DGKB: variants seen among roughly 807,000 people sequenced by gnomAD.
The protein encoded by DGKB is diacylglycerol kinase beta.
DGKB carries 67 observed loss-of-function variants against 114.3 expected under a neutral mutation model. The observed-to-expected ratio is 0.59, with a 90% CI of 0.48 to 0.72. The LOEUF (loss-of-function observed/expected upper bound fraction) is 0.72. Among genes scored for constraint, DGKB ranks in the 30% least tolerant of loss-of-function variants. DGKB has a pLI of 0.00. For missense variants in DGKB, 907 were observed against 975.2 expected, an observed-to-expected ratio of 0.93 and a Z score of 0.93; for synonymous variants, 398 against 323.1, an observed-to-expected ratio of 1.23 and a Z score of -2.49.
chr7:14,330,912 A>T (rs967994510), intron 23 of DGKB, among the ~76,000 whole-genome samples: 11 of 151,918 alleles, frequency 7.2e-5, no homozygotes, highest in African/African-American at 2.7e-4. Context: ...TATATTGAAA[A>T]TTTTTTTATT....
Position 14,956,854 on chromosome 7 carries a change from AT to A in DGKB, c.-188+17841del, listed in dbSNP as rs556119417. On this transcript the variant is annotated intron_variant, in intron 1 of 4. Transcript: ENST00000437998. ...TCTACTAGAGGGAAAAGTCGTTTCA[AT>A]TTTTTTTTTTAAGGCAAATGAGCAG... Among the ~76,000 whole-genome samples the A allele has an allele frequency of 1.7e-3, 252 of 148,410 alleles. 1 individual carries two copies. Among genetic ancestry groups the A allele is most frequent in the African/African-American group, 4.5e-3 (183 of 40,640 alleles).
intron 13 of DGKB, among the ~76,000 whole-genome samples, chr7:14,657,402 T>C (rs1187955929): frequency 6.6e-6 from 1 of 151,870 alleles, no homozygotes; most frequent in Non-Finnish European, 1.5e-5. Context: ...ATGATGACAA[T>C]TATGAATTGA....
At chr7:14,443,795 T>C (rs1830384807) in intron 21 of DGKB, among the ~76,000 whole-genome samples, 1 of 152,094 alleles carries the variant, frequency 6.6e-6, no homozygotes, top group South Asian at 2.1e-4. Flanking sequence ...CTGCATAGGA[T>C]TTATTATGAT....
In DGKB at chr7:14,736,066, T is replaced by A. The variant is rs1831663527; in HGVS notation, c.297A>T (p.Lys99Asn). ...NKFPHSSPMV[K>N]SKPALLSGGL... ...CGCCTGATAGGAGAGCAGGCTTACT[T>A]TTTACCATTGGACTAGAATGAGGAA... The change falls in exon 5 of 26, where the codon AAA (lysine) becomes AAT (asparagine). Residue 99 changes from lysine (K) to asparagine (N), a missense_variant. Physicochemically the swap from Lys to Asn is moderately conservative, Grantham distance 94. Around this residue, in one of 3 missense-constraint regions of DGKB, gnomAD observed 814 missense variants for 856.6 expected, o/e 0.95. Coordinates refer to ENST00000402815, the MANE Select transcript of DGKB (RefSeq NM_001350709.2). 2 of 1,606,736 alleles carry A rather than the reference T, an allele frequency of 1.2e-6. No individual in the cohort carries two copies. Among genetic ancestry groups the A allele is most frequent in the African/African-American group, 1.3e-5 (1 of 74,752 alleles).
At chr7:14,566,118 G>A (rs944909429) in intron 20 of DGKB, among the ~76,000 whole-genome samples, 2 of 151,244 alleles carry the variant, frequency 1.3e-5, no homozygotes, top group Non-Finnish European at 2.9e-5. Context: ...ATTTTAAAAA[G>A]AATCATTTTA....
intron 23 of DGKB, among the ~76,000 whole-genome samples, chr7:14,237,274 G>A (rs547951680): frequency 6.6e-6 from 1 of 151,938 alleles, no homozygotes; most frequent in South Asian, 2.1e-4. Flanking sequence ...CAAGCAACAT[G>A]GGCTATAAAT....
chr7:14,337,017 G>A (rs1810796383), intron 23 of DGKB, among the ~76,000 whole-genome samples: 1 of 152,140 alleles, frequency 6.6e-6, no homozygotes, highest in African/African-American at 2.4e-5. Context: ...TTTAAGGAAG[G>A]AAGCAAGGAG....
At chr7:14,455,884 T>A (rs964518299) in intron 21 of DGKB, among the ~76,000 whole-genome samples, 2 of 152,036 alleles carry the variant, frequency 1.3e-5, no homozygotes, top group African/African-American at 4.8e-5. Flanking sequence ...AATGAAAGCG[T>A]CTTCCTTTAA....
At chr7:14,825,292 A>G (rs1454664115) in intron 2 of DGKB, among the ~76,000 whole-genome samples, 4 of 151,868 alleles carry the variant, frequency 2.6e-5, no homozygotes. Flanking sequence ...TGGTTTCGGA[A>G]TAATTCAAGT....
intron 18 of DGKB, among the ~76,000 whole-genome samples, chr7:14,581,179 CA>C: frequency 6.6e-6 from 1 of 152,120 alleles, no homozygotes; most frequent in Non-Finnish European, 1.5e-5. Context: ...ATGGAATTTT[CA>C]AAACTCAGGC....
At chr7:14,322,587 GA>G (rs1808026350) in intron 23 of DGKB, among the ~76,000 whole-genome samples, 1 of 151,978 alleles carries the variant, frequency 6.6e-6, no homozygotes, top group South Asian at 2.1e-4. Context: ...AAAGCAATAA[GA>G]AAAAAGTAAT....
chr7:14,544,366 T>C (rs1041993441), intron 20 of DGKB, among the ~76,000 whole-genome samples: 8 of 152,208 alleles, frequency 5.3e-5, no homozygotes, highest in African/African-American at 1.9e-4. Flanking sequence ...TGGTTTGTAT[T>C]AGCCTTGAAG....
chr7:14,720,081 A>G (rs1176814791), intron 5 of DGKB, among the ~76,000 whole-genome samples: 1 of 151,602 alleles, frequency 6.6e-6, no homozygotes, highest in African/African-American at 2.4e-5. Context: ...ACATCTTAAC[A>G]CAGCACACAC....
intron 23 of DGKB, among the ~76,000 whole-genome samples, chr7:14,281,202 G>C (rs1028057502): frequency 2.6e-5 from 4 of 151,626 alleles, no homozygotes; most frequent in Non-Finnish European, 4.4e-5. Flanking sequence ...ACAGGCAGGG[G>C]TTGCAATCCT....
chr7:14,386,591 C>G (rs1332359981), intron 21 of DGKB, among the ~76,000 whole-genome samples: 1 of 152,144 alleles, frequency 6.6e-6, no homozygotes, highest in East Asian at 1.9e-4. Context: ...TAGTGAAATG[C>G]AAGAGATAAG....
At chr7:14,953,162 GATAC>G (rs1786303342) in intron 1 of DGKB, among the ~76,000 whole-genome samples, 1 of 151,978 alleles carries the variant, frequency 6.6e-6, no homozygotes, top group African/African-American at 2.4e-5. Context: ...TAGCTTCTTA[GATAC>G]TTTACTAAAA....
At chr7:14,557,013 T>G (rs137959420) in intron 20 of DGKB, among the ~76,000 whole-genome samples, 1 of 152,304 alleles carries the variant, frequency 6.6e-6, no homozygotes, top group African/African-American at 2.4e-5. Context: ...GTTCTCAAAA[T>G]AGGATACTGG....
At chr7:14,291,689 T>C (rs1010788311) in intron 23 of DGKB, among the ~76,000 whole-genome samples, 2 of 152,212 alleles carry the variant, frequency 1.3e-5, no homozygotes, top group African/African-American at 2.4e-5. Flanking sequence ...GTCCCAAATT[T>C]AAAATTTTAT....
intron 21 of DGKB, among the ~76,000 whole-genome samples, chr7:14,453,435 G>T (rs1284918510): frequency 1.3e-5 from 2 of 152,060 alleles, no homozygotes; most frequent in African/African-American, 2.4e-5. Context: ...TAGCACATAT[G>T]GTTCTGGACT....
Sources: gnomAD v4.1 joint callset for allele counts (sites outside exome capture counted in the v4.1 genomes callset) on GRCh38, gnomAD v4.1.1 for gene constraint, gnomAD v4.1.1 regional missense constraint, MANE v1.5 for transcripts, NCBI Gene and HGNC (gene_info 2026-07-23, HGNC 2026-07-21) for gene names.